The following MYOM1 variants were observed in gnomAD, a reference collection of about 807,000 sequenced individuals.
MYOM1 encodes myomesin-1.
MYOM1 carries 164 observed loss-of-function variants against 205.3 expected under a neutral mutation model. The observed-to-expected ratio is 0.80, with a 90% CI of 0.70 to 0.91. MYOM1 has a LOEUF of 0.91. Among genes scored for constraint, MYOM1 ranks in the 40% least tolerant of loss-of-function variants. The pLI, the probability that MYOM1 is intolerant of heterozygous loss-of-function variation, is 0.00. For missense variants in MYOM1, 2,011 were observed against 2,127.3 expected (o/e 0.95, Z 1.08); for synonymous variants, 772 against 789.4 (o/e 0.98, Z 0.37).
intron 24 of MYOM1, 47 bp from the exon 25 acceptor site, chr18:3,100,250 A>G (rs2079359005): frequency 1.2e-6 from 2 of 1,613,456 alleles, no homozygotes; most frequent in Non-Finnish European, 8.5e-7. Flanking sequence ...TACTAAAATA[A>G]AAGTCACTTA....
At chr18:3,238,904 C>G in the MYOM1 span, among the ~76,000 whole-genome samples, 2 of 152,206 alleles carry the variant, frequency 1.3e-5, no homozygotes, top group South Asian at 4.1e-4. Context: ...ACATCTTTCT[C>G]TAACAGTCTT....
chr18:3,125,868 C>T (rs1284521469), intron 19 of MYOM1, among the ~76,000 whole-genome samples: 1 of 152,138 alleles, frequency 6.6e-6, no homozygotes, highest in Non-Finnish European at 1.5e-5. Flanking sequence ...TGTGAGGCCA[C>T]CCTTTGTGGC....
chr18:3,244,897 T>C, the MYOM1 span, among the ~76,000 whole-genome samples: 1 of 135,378 alleles, frequency 7.4e-6, no homozygotes, highest in African/African-American at 2.8e-5. Context: ...AGACTCCATC[T>C]CAAAAAAATA....
At chr18:3,153,864 A>G (rs1476749198) in intron 11 of MYOM1, among the ~76,000 whole-genome samples, 5 of 152,222 alleles carry the variant, frequency 3.3e-5, no homozygotes, top group Non-Finnish European at 7.3e-5. Flanking sequence ...CAACGATCTG[A>G]ATAGAAACCA....
chr18:3,201,094 T>C (rs763774844), intron 2 of MYOM1, among the ~76,000 whole-genome samples: 13 of 152,216 alleles, frequency 8.5e-5, no homozygotes, highest in African/African-American at 1.9e-4. Context: ...TGAAAAACAA[T>C]GTTAATCAAG....
At chr18:3,138,163 C>T (rs2079997026) in intron 14 of MYOM1, among the ~76,000 whole-genome samples, 1 of 152,130 alleles carries the variant, frequency 6.6e-6, no homozygotes. Context: ...TTATTCCCTC[C>T]TATTTTAATT....
At chr18:3,204,379 G>A (rs1187015093) in intron 2 of MYOM1, among the ~76,000 whole-genome samples, 1 of 151,838 alleles carries the variant, frequency 6.6e-6, no homozygotes, top group Non-Finnish European at 1.5e-5. Context: ...GTTCAGCAAG[G>A]TCATAGGATA....
intron 14 of MYOM1, among the ~76,000 whole-genome samples, chr18:3,139,835 GT>G (rs1402539620): frequency 3.1e-4 from 47 of 152,112 alleles, no homozygotes; most frequent in African/African-American, 9.7e-4. Context: ...AGGTATTTAG[GT>G]CGAGGGAAGT....
chr18:3,190,214 T>A (rs2080884412), intron 3 of MYOM1, among the ~76,000 whole-genome samples: 1 of 152,258 alleles, frequency 6.6e-6, no homozygotes, highest in Non-Finnish European at 1.5e-5. Flanking sequence ...TATTTTAACA[T>A]ATTTCAATGC....
intron 14 of MYOM1, among the ~76,000 whole-genome samples, chr18:3,139,983 TCA>T (rs2080025205): frequency 6.6e-6 from 1 of 152,224 alleles, no homozygotes; most frequent in African/African-American, 2.4e-5. Context: ...GTAACTACTG[TCA>T]CAGAGGTTAT....
At chr18:3,161,104 C>T (rs1274941131) in intron 10 of MYOM1, among the ~76,000 whole-genome samples, 1 of 151,908 alleles carries the variant, frequency 6.6e-6, no homozygotes. Context: ...GGTGATTTGG[C>T]TAAATGAACG....
At chr18:3,238,125 G>C in the MYOM1 span, among the ~76,000 whole-genome samples, 2 of 152,134 alleles carry the variant, frequency 1.3e-5, no homozygotes, top group Non-Finnish European at 2.9e-5. Flanking sequence ...GGAGCCCTGG[G>C]CTTGTTCTCC....
intron 21 of MYOM1, among the ~76,000 whole-genome samples, chr18:3,113,298 CTATATATATATATA>C (rs70964105): frequency 1.4e-5 from 2 of 145,324 alleles, no homozygotes; most frequent in African/African-American, 5.3e-5. Flanking sequence ...GTGTTTGTGT[CTATATATATATATA>C]TATATATATA....
intron 19 of MYOM1, among the ~76,000 whole-genome samples, chr18:3,122,187 T>G (rs995991914): frequency 6.6e-6 from 1 of 151,830 alleles, no homozygotes; most frequent in Non-Finnish European, 1.5e-5. Context: ...TTAGTTTTTT[T>G]TTTTTTTTAA....
At chr18:3,168,763 T>C (rs1444909363) in intron 9 of MYOM1, 54 bp downstream of exon 9, 7 of 1,576,788 alleles carry the variant, frequency 4.4e-6, no homozygotes, top group Non-Finnish European at 6.1e-6. Context: ...ATCTGCAATC[T>C]GGTCTACAAC....
chr18:3,085,216 T>C, intron 30 of MYOM1, 84 bp from the exon 31 acceptor site: 1 of 652,642 alleles, frequency 1.5e-6, no homozygotes, highest in Non-Finnish European at 2.5e-6. Context: ...TTCTGCTTCT[T>C]CTGCTGCTGC....
intron 20 of MYOM1, among the ~76,000 whole-genome samples, chr18:3,119,337 T>G (rs550100193): frequency 3.9e-5 from 6 of 152,138 alleles, no homozygotes; most frequent in South Asian, 4.2e-4. Context: ...AATCCATCCA[T>G]GTGATATGAT....
intron 2 of MYOM1, among the ~76,000 whole-genome samples, chr18:3,203,508 G>A (rs1340031621): frequency 6.6e-6 from 1 of 151,702 alleles, no homozygotes; most frequent in Non-Finnish European, 1.5e-5. Context: ...ATGCCTTTAT[G>A]CCAACAAATT....
chr18:3,102,352 C>A, intron 23 of MYOM1, 122 bp downstream of exon 23: 1 of 1,004,696 alleles, frequency 1.0e-6, no homozygotes, highest in Non-Finnish European at 1.4e-6. Flanking sequence ...TTCTACAATA[C>A]CAGATATAAA....
Sources: allele counts gnomAD v4.1 joint callset (sites outside exome capture counted in the v4.1 genomes callset), GRCh38; gene constraint gnomAD v4.1.1; transcripts MANE v1.5; gene names NCBI Gene and HGNC (gene_info 2026-07-23, HGNC 2026-07-21).